Variants in FHOD3 observed in about 807,000 individuals in gnomAD.
FHOD3 encodes FH1/FH2 domain-containing protein 3.
A neutral mutation model predicts 173.0 loss-of-function variants in FHOD3; 90 were observed. That is an observed-to-expected ratio of 0.52 (90% confidence interval 0.44 to 0.62). The LOEUF (loss-of-function observed/expected upper bound fraction) is 0.62, where lower values mean the gene tolerates loss of function less well. Among genes scored for constraint, FHOD3 ranks in the 20% least tolerant of loss-of-function variants. FHOD3 has a pLI of 0.00. For missense variants in FHOD3, 1,945 were observed against 2,034.7 expected, an observed-to-expected ratio of 0.96 and a Z score of 0.85; for synonymous variants, 828 against 823.0, an observed-to-expected ratio of 1.01 and a Z score of -0.10.
At chr18:36,489,960 G>C (rs1288269974) in intron 3 of FHOD3, among the ~76,000 whole-genome samples, 1 of 152,146 alleles carries the variant, frequency 6.6e-6, no homozygotes, top group Non-Finnish European at 1.5e-5. Context: ...TAAGTCCCTG[G>C]TCACCTGTTT....
intron 5 of FHOD3, among the ~76,000 whole-genome samples, chr18:36,550,123 T>C (rs2057585039): frequency 6.6e-6 from 1 of 151,524 alleles, no homozygotes; most frequent in South Asian, 2.1e-4. Flanking sequence ...TAGAGAAAAC[T>C]GCCTTTTCTC....
At chr18:36,497,787 C>A (rs989916997) in intron 3 of FHOD3, among the ~76,000 whole-genome samples, 1 of 152,144 alleles carries the variant, frequency 6.6e-6, no homozygotes, top group African/African-American at 2.4e-5. Flanking sequence ...TCACACTAAT[C>A]TATAGAACAA....
chr18:36,450,387 A>C (rs1339880402), intron 3 of FHOD3, among the ~76,000 whole-genome samples: 1 of 152,104 alleles, frequency 6.6e-6, no homozygotes, highest in Non-Finnish European at 1.5e-5. Context: ...TGGGGTTTTA[A>C]AGGGAAGTGG....
intron 24 of FHOD3, among the ~76,000 whole-genome samples, chr18:36,753,912 G>T (rs1005083736): frequency 6.6e-6 from 1 of 152,112 alleles, no homozygotes; most frequent in African/African-American, 2.4e-5. Context: ...GTGTTGCGTT[G>T]TAAGATTCCT....
chr18:36,577,757 G>T (rs996576311), intron 6 of FHOD3, among the ~76,000 whole-genome samples: 7 of 152,352 alleles, frequency 4.6e-5, no homozygotes, highest in South Asian at 4.1e-4. Context: ...CACCAGCCAC[G>T]CCTTGGCTGC....
chr18:36,614,043 T>C (rs2032956455), intron 9 of FHOD3, among the ~76,000 whole-genome samples: 1 of 152,128 alleles, frequency 6.6e-6, no homozygotes, highest in Admixed American at 6.6e-5. Context: ...CATTTTAAAG[T>C]GTACAATTTA....
chr18:36,334,294 G>A (rs2045185276), intron 1 of FHOD3, among the ~76,000 whole-genome samples: 1 of 152,228 alleles, frequency 6.6e-6, no homozygotes, highest in South Asian at 2.1e-4. Context: ...AGCCCAAGAA[G>A]CAAAGGCACC....
intron 5 of FHOD3, among the ~76,000 whole-genome samples, chr18:36,558,683 G>T (rs1009263168): frequency 8.5e-5 from 13 of 152,156 alleles, no homozygotes; most frequent in African/African-American, 3.1e-4. Flanking sequence ...GAGGGGTTAA[G>T]ATCAAGGCAT....
In FHOD3 at chr18:36,730,560, A is replaced by G. The variant is rs994940347; in HGVS notation, c.3418-86A>G. On this transcript the variant is annotated intron_variant, in intron 19 of 28. Coordinates refer to ENST00000590592, the MANE Select transcript of FHOD3 (RefSeq NM_001281740.3). ...TGGGGCCATTTGTTTTCATCTCTAA[A>G]TAAGTAGTGAGTGCTTTTAATAATG... The G allele has an allele frequency of 5.1e-6, 7 of 1,361,724 alleles. No individual in the cohort carries two copies. In the East Asian group the frequency reaches 1.4e-4, roughly 27 times the overall value. The allele number at this position is 1,361,724 out of a possible 1,614,324, so 84.4% of individuals were successfully genotyped here.
rs1158081913 is a variant in FHOD3 at position 36,568,184 on chromosome 18, ATAAAT to A, written c.512-8264_512-8260del. ...ACTAAAAATACAAAAAAAAAAAAAA[ATAAAT>A]TAGCCAGGCATGGTGGTGCACATCT... On this transcript the variant is annotated intron_variant, in intron 5 of 28. Coordinates refer to ENST00000590592, the MANE Select transcript of FHOD3 (RefSeq NM_001281740.3). Among the ~76,000 whole-genome samples, 633 of 114,866 alleles carry A rather than the reference ATAAAT, an allele frequency of 5.5e-3. 8 individuals carry two copies. The highest frequency in any genetic ancestry group is 0.022 in the African/African-American group (599 of 26,978). The allele number at this position is 114,866 out of a possible 152,430, so 75.4% of individuals were successfully genotyped here. A position where few individuals can be genotyped will look rare whatever the true frequency, so the allele number is the denominator to read the frequency against.
intron 26 of FHOD3, among the ~76,000 whole-genome samples, chr18:36,759,634 G>A (rs889753608): frequency 1.3e-5 from 2 of 152,184 alleles, no homozygotes; most frequent in African/African-American, 2.4e-5. Flanking sequence ...ATGGGCCAAC[G>A]TCCATGCAGT....
intron 26 of FHOD3, among the ~76,000 whole-genome samples, chr18:36,760,079 A>G (rs1239863612): frequency 3.3e-5 from 5 of 152,210 alleles, no homozygotes; most frequent in Non-Finnish European, 7.3e-5. Flanking sequence ...AGGTGGGACT[A>G]GGTCTAGAAG....
intron 5 of FHOD3, among the ~76,000 whole-genome samples, chr18:36,530,232 A>T (rs1326907441): frequency 2.0e-5 from 3 of 152,216 alleles, no homozygotes; most frequent in Non-Finnish European, 1.5e-5. Flanking sequence ...TAAAATAAGA[A>T]GCATGACCAG....
rs1204388807 is a variant in FHOD3 at position 36,718,293 on chromosome 18, G to A, written c.2995G>A (p.Asp999Asn). Residue 999 changes from aspartate (D) to asparagine (N), a missense_variant, in exon 19 of 29, where the codon GAC (aspartate) becomes AAC (asparagine). Physicochemically the swap from Asp to Asn is conservative, Grantham distance 23. This residue lies in a region of FHOD3 where 1,099 missense variants were observed against 1,051.2 expected (regional missense o/e 1.05). Transcript: ENST00000590592. ...CAGAATCCAAGACATGGATTTCACT[G>A]ACCTGGGGGAGGAGGATGACATTGA... Reference protein sequence around the residue: ...ELRIQDMDFTDLGEEDDIDVL... With the variant: ...ELRIQDMDFTNLGEEDDIDVL... 6.2e-7 allele frequency: 1 copy of A among 1,614,158 alleles called. No individual in the cohort carries two copies. Among genetic ancestry groups the A allele is most frequent in the South Asian group, 1.1e-5 (1 of 91,080 alleles).
At chr18:36,655,065 T>A (rs1038795642) in intron 13 of FHOD3, among the ~76,000 whole-genome samples, 1 of 150,594 alleles carries the variant, frequency 6.6e-6, no homozygotes, top group Non-Finnish European at 1.5e-5. Context: ...TTTTTTTTTT[T>A]TTTTTTGTAC....
At chr18:36,368,075 GCAGTGTGAAAACGGAC>G (rs1011303544) in intron 2 of FHOD3, among the ~76,000 whole-genome samples, 1 of 152,090 alleles carries the variant, frequency 6.6e-6, no homozygotes, top group Non-Finnish European at 1.5e-5. Flanking sequence ...GTTCTTTAGA[GCAGTGTGAAAACGGAC>G]CAGCTCCTAT....
Position 36,576,434 on chromosome 18 carries a change from T to A in FHOD3, c.512-17T>A, listed in dbSNP as rs1477995897. Reference sequence around the variant, plus strand: ...ATATACATCTATAATGTCTCCTTTTTCTCTTGTTTTCTGTAGCTTTGGGCC... The same window carrying A: ...ATATACATCTATAATGTCTCCTTTTACTCTTGTTTTCTGTAGCTTTGGGCC... On this transcript the variant is annotated splice_polypyrimidine_tract_variant and intron_variant, in intron 5 of 28. Transcript: ENST00000590592. 6.3e-7 allele frequency: 1 copy of A among 1,587,856 alleles called. No individual in the cohort carries two copies. Among genetic ancestry groups the A allele is most frequent in the Non-Finnish European group, 8.6e-7 (1 of 1,159,826 alleles).
chr18:36,662,053 A>C (rs1203078995), intron 14 of FHOD3, among the ~76,000 whole-genome samples: 1 of 152,260 alleles, frequency 6.6e-6, no homozygotes, highest in Non-Finnish European at 1.5e-5. Context: ...AAATAAAACT[A>C]CAGGAATATT....
intron 17 of FHOD3, among the ~76,000 whole-genome samples, chr18:36,701,118 G>A (rs1042088274): frequency 1.3e-5 from 2 of 152,208 alleles, no homozygotes; most frequent in Admixed American, 6.5e-5. Flanking sequence ...CAGTACATGG[G>A]TTATGAGTTG....
Sources: allele counts gnomAD v4.1 joint callset (sites outside exome capture counted in the v4.1 genomes callset), GRCh38; gene constraint gnomAD v4.1.1; regional missense constraint gnomAD v4.1.1; transcripts MANE v1.5; gene names NCBI Gene and HGNC (gene_info 2026-07-23, HGNC 2026-07-21).